Variants in CBL observed in about 807,000 individuals in gnomAD.
CBL encodes the protein Cbl proto-oncogene, also known as E3 ubiquitin-protein ligase CBL.
CBL carries 45 observed loss-of-function variants against 96.9 expected under a neutral mutation model. The observed-to-expected ratio is 0.46, with a 90% CI of 0.37 to 0.60. CBL has a LOEUF of 0.60. Among genes scored for constraint, CBL ranks in the 20% least tolerant of loss-of-function variants. The pLI is 0.00. For missense variants in CBL, 1,024 were observed against 1,143.5 expected (o/e 0.90, Z 1.51); for synonymous variants, 420 against 426.8 (o/e 0.98, Z 0.20).
intron 1 of CBL, among the ~76,000 whole-genome samples, chr11:119,219,726 C>G (rs1452396637): frequency 6.6e-6 from 1 of 151,350 alleles, no homozygotes; most frequent in Non-Finnish European, 1.5e-5. Context: ...CTCTGTTGTC[C>G]AGGATGGAGT....
chr11:119,214,703 A>G (rs1355730453), intron 1 of CBL, among the ~76,000 whole-genome samples: 2 of 152,130 alleles, frequency 1.3e-5, no homozygotes, highest in Admixed American at 6.6e-5. Flanking sequence ...TTTTCCAGTT[A>G]TACTTAATTT....
At chr11:119,216,409 G>C (rs571734764) in intron 1 of CBL, among the ~76,000 whole-genome samples, 201 of 151,320 alleles carry the variant, frequency 1.3e-3, no homozygotes, top group Non-Finnish European at 2.5e-3. Flanking sequence ...GTCTTGCTCT[G>C]TCACCAGGCT....
rs192367236 is a variant in CBL at position 119,267,417 on chromosome 11, C to T, written c.444-4318C>T. On this transcript the variant is annotated intron_variant, in intron 2 of 15. Coordinates refer to ENST00000264033, the MANE Select transcript of CBL (RefSeq NM_005188.4). ...TTGGTATGCATATTTTATCTTTGAT[C>T]CAACATAGTGCTAGGTACCTGGTAG... 3.9e-4 allele frequency among the ~76,000 whole-genome samples: 60 copies of T among 152,182 alleles called. 1 individual carries two copies. In the East Asian group the frequency reaches 0.01, roughly 26 times the overall value.
chr11:119,225,247 C>T (rs1303827477), intron 1 of CBL, among the ~76,000 whole-genome samples: 4 of 152,146 alleles, frequency 2.6e-5, no homozygotes, highest in East Asian at 1.9e-4. Context: ...CAGGTGCATG[C>T]CACCATGCCT....
intron 9 of CBL, among the ~76,000 whole-genome samples, chr11:119,280,334 T>C (rs1489311464): frequency 6.6e-6 from 1 of 152,218 alleles, no homozygotes; most frequent in African/African-American, 2.4e-5. Flanking sequence ...AGCTGGATGG[T>C]AGGTAAGTAT....
intron 2 of CBL, among the ~76,000 whole-genome samples, chr11:119,251,953 G>T (rs887539798): frequency 1.3e-5 from 2 of 152,128 alleles, no homozygotes; most frequent in East Asian, 1.9e-4. Context: ...TTCCTGCCAG[G>T]CTTTAGTATA....
In CBL at chr11:119,278,281, G is replaced by A. The variant is rs192712314; in HGVS notation, c.1211G>A (p.Cys404Tyr). The change falls in exon 8 of 16, where the codon TGT becomes TAT. Residue 404 changes from cysteine to tyrosine, a missense_variant. Around this residue, in one of 4 missense-constraint regions of CBL, gnomAD observed 695 missense variants for 661.6 expected, o/e 1.05. Transcript: ENST00000264033. ...EPCGHLMCTS[C>Y]LTSWQESEGQ... ...TGTGGACACCTCATGTGCACATCCT[G>A]TCTTACATCCTGGCAGGTACGGATC... The A allele has an allele frequency of 9.9e-6, 16 of 1,613,996 alleles. No individual in the cohort carries two copies. Among genetic ancestry groups the A allele is most frequent in the Non-Finnish European group, 1.3e-5 (15 of 1,179,926 alleles).
chr11:119,215,674 A>G (rs1949354328), intron 1 of CBL, among the ~76,000 whole-genome samples: 1 of 151,898 alleles, frequency 6.6e-6, no homozygotes, highest in African/African-American at 2.4e-5. Context: ...TGTCTCAAAA[A>G]AAAAAAGCCG....
chr11:119,269,713 A>T (rs1949828722), intron 2 of CBL, among the ~76,000 whole-genome samples: 1 of 151,960 alleles, frequency 6.6e-6, no homozygotes, highest in African/African-American at 2.4e-5. Context: ...TAGTACATTT[A>T]TGCCGGGCGC....
intron 9 of CBL, among the ~76,000 whole-genome samples, chr11:119,284,165 A>G (rs972760459): frequency 5.3e-5 from 8 of 151,876 alleles, no homozygotes; most frequent in African/African-American, 1.9e-4. Context: ...ACCGACTCTC[A>G]TCTTCTTTCT....
rs547676120 is a variant in CBL, at chr11:119,288,476, C to T, written c.2036+530C>T. ...TGGCCATCCTCAGTGTTTGCACAGA[C>T]AGAGAGAGAGAGAGAGAGCACGCAC... is the stretch of plus-strand genomic sequence containing the variant. On this transcript the variant is annotated intron_variant, in intron 12 of 15. Coordinates refer to ENST00000264033, the MANE Select transcript of CBL (RefSeq NM_005188.4). Among the ~76,000 whole-genome samples, 1,365 of 150,806 alleles carry T rather than the reference C, an allele frequency of 9.1e-3. 15 individuals carry two copies. The highest frequency in any genetic ancestry group is 0.026 in the African/African-American group (1,055 of 41,128).
intron 1 of CBL, among the ~76,000 whole-genome samples, chr11:119,231,312 TAGG>T (rs576114375): frequency 3.2e-4 from 48 of 152,126 alleles, no homozygotes; most frequent in African/African-American, 1.1e-3. Flanking sequence ...CTGAATGAGA[TAGG>T]AGAATTGCTT....
At chr11:119,225,051 T>G (rs11217192) in intron 1 of CBL, among the ~76,000 whole-genome samples, 40,494 of 145,946 alleles carry the variant, frequency 0.28, 5,729 homozygotes, top group South Asian at 0.57. Context: ...CTCTTTGGGG[T>G]GTGTGTGTGT....
chr11:119,259,023 ATGTGTTGTTTT>A (rs1444991412), intron 2 of CBL, among the ~76,000 whole-genome samples: 3 of 151,792 alleles, frequency 2.0e-5, no homozygotes, highest in Non-Finnish European at 2.9e-5. Context: ...CTAGGTTTTT[ATGTGTTGTTTT>A]CTTTCAGCTA....
rs1407650146 is a variant in CBL at position 119,303,358 on chromosome 11, C to T, written c.*3577C>T. The T allele has an allele frequency of 8.6e-6, 2 of 233,332 alleles. No homozygotes were observed. Among genetic ancestry groups the T allele is most frequent in the East Asian group, 1.2e-4 (2 of 16,562 alleles). The allele number at this position is 233,332 out of a possible 1,614,324, so 14.5% of individuals were successfully genotyped here. On this transcript the variant is annotated 3_prime_UTR_variant, in exon 16 of 16. Transcript: ENST00000264033. ...TTTCTGACTATTGGTCTGGCTCTAA[C>T]AGTTTGTTTGTTCATCCAGCAAATG...
intron 2 of CBL, 117 bp downstream of exon 2, chr11:119,232,812 T>A: frequency 9.7e-7 from 1 of 1,028,052 alleles, no homozygotes; most frequent in Non-Finnish European, 1.5e-6. Context: ...AAAGTTGACA[T>A]TTGATTTAAA....
At chr11:119,217,612 A>G (rs1252969348) in intron 1 of CBL, among the ~76,000 whole-genome samples, 2 of 152,166 alleles carry the variant, frequency 1.3e-5, no homozygotes, top group African/African-American at 4.8e-5. Context: ...ATGTCATTGC[A>G]GCAGACCCAG....
intron 1 of CBL, among the ~76,000 whole-genome samples, chr11:119,224,824 G>A (rs1463033779): frequency 2.0e-5 from 3 of 151,992 alleles, no homozygotes; most frequent in African/African-American, 7.2e-5. Flanking sequence ...TTCATGTTGA[G>A]TAGGAGGAGG....
intron 3 of CBL, among the ~76,000 whole-genome samples, chr11:119,272,953 T>C (rs1348361651): frequency 2.0e-5 from 3 of 151,742 alleles, no homozygotes; most frequent in Non-Finnish European, 4.4e-5. Context: ...TAAGTATAAA[T>C]ATAAATATCC....
Sources: allele counts gnomAD v4.1 joint callset (sites outside exome capture counted in the v4.1 genomes callset), GRCh38; gene constraint gnomAD v4.1.1; regional missense constraint gnomAD v4.1.1; transcripts MANE v1.5; gene names NCBI Gene and HGNC (gene_info 2026-07-23, HGNC 2026-07-21).